Variants in SV2B observed in about 807,000 individuals in gnomAD.
The protein encoded by SV2B is synaptic vesicle glycoprotein 2B, also known as solute carrier family 22 member B2.
SV2B carries 41 observed loss-of-function variants against 73.9 expected under a neutral mutation model. The ratio of observed to expected loss-of-function variants is 0.56; its 90% CI spans 0.43 to 0.72. SV2B has a LOEUF of 0.72. SV2B is among the 30% of genes least tolerant of loss of function. The pLI, the probability that SV2B is intolerant of heterozygous loss-of-function variation, is 0.00. For synonymous variants in SV2B, 314 were observed against 314.2 expected, an observed-to-expected ratio of 1.00 and a Z score of 0.01; for missense variants, 764 against 857.8, an observed-to-expected ratio of 0.89 and a Z score of 1.37.
chr15:91,127,193 C>T (rs569562272), intron 1 of SV2B, among the ~76,000 whole-genome samples: 39 of 152,244 alleles, frequency 2.6e-4, no homozygotes, highest in South Asian at 1.5e-3. Flanking sequence ...GAGCTGGGCA[C>T]GAGGTGGATA....
chr15:91,100,168 G>C (rs901247763), upstream of SV2B: 3 of 151,564 alleles, frequency 2.0e-5, no homozygotes, highest in Non-Finnish European at 4.4e-5. This position sits in a 1 kb window ranked among gnomAD's most constrained non-coding sequence, Gnocchi z 6.4. Context: ...TCTGTAGCGC[G>C]GGGGCGCGCT....
intron 1 of SV2B, among the ~76,000 whole-genome samples, chr15:91,109,698 G>A (rs1306237500): frequency 1.3e-5 from 2 of 152,062 alleles, no homozygotes; most frequent in Non-Finnish European, 2.9e-5. Context: ...CCTAGAAAGC[G>A]GGGAATCCAA....
rs887617974 is a variant in SV2B at position 91,236,068 on chromosome 15, C to T, written c.451+9354C>T. 6.6e-6 allele frequency among the ~76,000 whole-genome samples: 1 copy of T among 152,206 alleles called. No homozygotes were observed. The highest frequency in any genetic ancestry group is 2.4e-5 in the African/African-American group (1 of 41,446). On this transcript the variant is annotated intron_variant, in intron 2 of 12. Transcript: ENST00000394232. The surrounding 1 kb of genome is among the most constrained non-coding windows in gnomAD (Gnocchi z 4.1). ...TCATCCTGCTCCCCTGATCCAACTG[C>T]AAAACCTGATGTTTTAGCTTCTCAG... is the stretch of plus-strand genomic sequence containing the variant.
intron 1 of SV2B, among the ~76,000 whole-genome samples, chr15:91,177,225 G>A (rs1469351424): frequency 1.3e-5 from 2 of 151,828 alleles, no homozygotes; most frequent in South Asian, 2.1e-4. Flanking sequence ...TATTTCTGAG[G>A]GCTCTGTTCT....
intron 1 of SV2B, among the ~76,000 whole-genome samples, chr15:91,193,600 C>T (rs1567332605): frequency 2.0e-5 from 3 of 152,078 alleles, no homozygotes; most frequent in Non-Finnish European, 4.4e-5. Flanking sequence ...TTGAAGACAT[C>T]CAAGTATGTG....
chr15:91,255,398 C>T (rs146205072), intron 4 of SV2B, among the ~76,000 whole-genome samples: 1 of 152,276 alleles, frequency 6.6e-6, no homozygotes, highest in Admixed American at 6.5e-5. Flanking sequence ...TATGTTCTCA[C>T]TCATAAGTAG....
rs186820492 is a variant in SV2B, at chr15:91,202,263, C to T, written c.-391-23610C>T. On this transcript the variant is annotated intron_variant, in intron 1 of 12. Transcript: ENST00000394232. ...TGCCCTCTCTCCACTAGAAGGTTAG[C>T]TCTATGAGGTCAGGGACTTTGTGTT... Among the ~76,000 whole-genome samples the T allele has an allele frequency of 2.2e-3, 335 of 152,302 alleles. 2 individuals are homozygous for T. The highest frequency in any genetic ancestry group is 7.4e-3 in the African/African-American group (306 of 41,552).
In SV2B at chr15:91,226,523, A is replaced by T. The variant is rs1357459107; in HGVS notation, c.260A>T (p.Asp87Val). Residue 87 changes from aspartate (D) to valine (V), a missense_variant, in exon 2 of 13, where the codon GAT becomes GTT. Coordinates refer to ENST00000394232, the MANE Select transcript of SV2B (RefSeq NM_001323032.3). ...QTDLMAERLE[D>V]EEQLAHQYET... ...GACCTGATGGCTGAGAGGCTGGAAG[A>T]TGAGGAGCAGTTGGCCCACCAGTAC... The T allele has an allele frequency of 1.9e-6, 3 of 1,614,032 alleles. No individual in the cohort carries two copies. Among genetic ancestry groups the T allele is most frequent in the Non-Finnish European group, 2.5e-6 (3 of 1,180,034 alleles).
intron 1 of SV2B, among the ~76,000 whole-genome samples, chr15:91,108,571 C>T (rs1309189522): frequency 6.6e-6 from 1 of 152,192 alleles, no homozygotes; most frequent in Non-Finnish European, 1.5e-5. Context: ...TCTCTGTTGG[C>T]TGTGGCTCTC....
Position 91,266,629 on chromosome 15 carries a change from C to T in SV2B, c.1056C>T (p.Ile352=), listed in dbSNP as rs1158068720. ...TPKQMDEFIE[I]QSSTGTWYQR... ...AGCAAATGGATGAATTCATTGAGAT[C>T]CAAAGTTCAACAGGAACCTGGTACC... Residue 352 remains isoleucine, a synonymous_variant, in exon 7 of 13, where the codon ATC becomes ATT. Coordinates refer to ENST00000394232, the MANE Select transcript of SV2B (RefSeq NM_001323032.3). 2 of 1,614,162 alleles carry T rather than the reference C, an allele frequency of 1.2e-6. No homozygotes were observed. The highest frequency in any genetic ancestry group is 1.6e-4 in the Middle Eastern group (1 of 6,062).
At position 91,118,746 on chromosome 15, in the gene SV2B, A is replaced by G. The variant is rs2042246539; in HGVS notation, c.-392+18383A>G. Among the ~76,000 whole-genome samples, 1 of 152,222 alleles carries G rather than the reference A, an allele frequency of 6.6e-6. No homozygotes were observed. The highest frequency in any genetic ancestry group is 6.5e-5 in the Admixed American group (1 of 15,284). ...GCCCAGTCCAAACCAGAGCCATGCC[A>G]GGGAGGGACATCTCTCTGTCATCAT... On this transcript the variant is annotated intron_variant, in intron 1 of 12. Coordinates refer to ENST00000394232, the MANE Select transcript of SV2B (RefSeq NM_001323032.3). The surrounding 1 kb of genome is among the most constrained non-coding windows in gnomAD (Gnocchi z 4.7).
At chr15:91,270,210 A>G (rs1367764051) in intron 9 of SV2B, among the ~76,000 whole-genome samples, 1 of 152,136 alleles carries the variant, frequency 6.6e-6, no homozygotes, top group Non-Finnish European at 1.5e-5. Flanking sequence ...ATGTTTAGTG[A>G]TACATTATTT....
chr15:91,285,875 G>C (rs893801093), intron 11 of SV2B, among the ~76,000 whole-genome samples: 1 of 152,122 alleles, frequency 6.6e-6, no homozygotes, highest in East Asian at 1.9e-4. Flanking sequence ...CACAGAAGTG[G>C]GGTGGGGGTG....
intron 1 of SV2B, among the ~76,000 whole-genome samples, chr15:91,126,677 T>C (rs1330716688): frequency 2.0e-5 from 3 of 152,190 alleles, no homozygotes; most frequent in Non-Finnish European, 4.4e-5. Flanking sequence ...ATGGCATTTA[T>C]CCCAAGAATG....
rs2049156242 is a variant in SV2B, at chr15:91,294,576, C to T, written c.*2024C>T. ...CTGTAATTTACTTTCCATATGAATA[C>T]AGTGGCTAGGTTCATAAAAGAGAAT... is the stretch of plus-strand genomic sequence containing the variant. On this transcript the variant is annotated 3_prime_UTR_variant, in exon 13 of 13. Transcript: ENST00000394232. The surrounding 1 kb of genome is among the most constrained non-coding windows in gnomAD (Gnocchi z 4.1). 1 of 152,152 alleles carries T rather than the reference C, an allele frequency of 6.6e-6. No individual in the cohort carries two copies. The highest frequency in any genetic ancestry group is 6.5e-5 in the Admixed American group (1 of 15,276). 9.4% of individuals were successfully genotyped at this position (152,152 alleles called of 1,614,324 possible). A position where few individuals can be genotyped will look rare whatever the true frequency, so the allele number is the denominator to read the frequency against.
rs151059230 is a variant in SV2B, at chr15:91,128,973, C to T, written c.-392+28610C>T. 1.7e-4 allele frequency among the ~76,000 whole-genome samples: 26 copies of T among 152,352 alleles called. 2 individuals are homozygous for T. The highest frequency in any genetic ancestry group is 5.8e-4 in the African/African-American group (24 of 41,590). ...TTCATTCTGAAGGCTCCCGTGGATA[C>T]ACGTCAAATAAAGTTGTATGCCTGC... On this transcript the variant is annotated intron_variant, in intron 1 of 12. Coordinates refer to ENST00000394232, the MANE Select transcript of SV2B (RefSeq NM_001323032.3). The surrounding 1 kb of genome is among the most constrained non-coding windows in gnomAD (Gnocchi z 4.2).
Position 91,268,472 on chromosome 15 carries a change from A to G in SV2B, c.1240A>G (p.Met414Val), listed in dbSNP as rs1267348286. 1.9e-6 allele frequency: 3 copies of G among 1,613,930 alleles called. No homozygotes were observed. The Admixed American group carries it at 5.0e-5, about 27-fold the overall frequency. ...YYGLTVWFPD[M>V]IRYFQDEEYK... ...TGGACTGACAGTTTGGTTTCCTGATATGATCCGCTATTTTCAAGATGAAGA... is the reference window on the plus strand; with the variant it reads ...TGGACTGACAGTTTGGTTTCCTGATGTGATCCGCTATTTTCAAGATGAAGA... Residue 414 changes from methionine (M) to valine (V), a missense_variant, in exon 9 of 13, where the codon ATG becomes GTG. Coordinates refer to ENST00000394232, the MANE Select transcript of SV2B (RefSeq NM_001323032.3). The surrounding 1 kb of genome is among the most constrained non-coding windows in gnomAD (Gnocchi z 4.4).
Position 91,225,974 on chromosome 15 carries a change from A to G in SV2B, c.-290A>G, listed in dbSNP as rs1416991459. ...ACAGCTGGATCCATTTCTAATCAAC[A>G]CTTCCCAACGCAACACTTCTGAGTC... On this transcript the variant is annotated 5_prime_UTR_variant, in exon 2 of 13. Coordinates refer to ENST00000394232, the MANE Select transcript of SV2B (RefSeq NM_001323032.3). 2 of 420,030 alleles carry G rather than the reference A, an allele frequency of 4.8e-6. No homozygotes were observed. The highest frequency in any genetic ancestry group is 8.8e-5 in the Admixed American group (2 of 22,724). The allele number at this position is 420,030 out of a possible 1,614,324, so 26.0% of individuals were successfully genotyped here.
chr15:91,137,639 T>C lies in SV2B; in HGVS notation c.-392+37276T>C, dbSNP rs202018041. On this transcript the variant is annotated intron_variant, in intron 1 of 12. Coordinates refer to ENST00000394232, the MANE Select transcript of SV2B (RefSeq NM_001323032.3). The surrounding 1 kb of genome is among the most constrained non-coding windows in gnomAD (Gnocchi z 4.9). Reference sequence around the variant, plus strand: ...ATATTTCATATATACATATATTTCATATATACATATATATTTCATATATAC... The same window carrying C: ...ATATTTCATATATACATATATTTCACATATACATATATATTTCATATATAC... 7.0e-6 allele frequency among the ~76,000 whole-genome samples: 1 copy of C among 142,164 alleles called. No individual in the cohort carries two copies. The allele number at this position is 142,164 out of a possible 152,430, so 93.3% of individuals were successfully genotyped here.
Sources: allele counts gnomAD v4.1 joint callset (sites outside exome capture counted in the v4.1 genomes callset), GRCh38; gene constraint gnomAD v4.1.1; non-coding constraint Gnocchi (gnomAD v3.1); transcripts MANE v1.5; gene names NCBI Gene and HGNC (gene_info 2026-07-23, HGNC 2026-07-21).